ADCY1: variants seen among roughly 807,000 people sequenced by gnomAD.
ADCY1 encodes the protein adenylate cyclase 1.
Under a neutral mutation model 105.4 loss-of-function variants are expected in ADCY1, and 28 were observed. The ratio of observed to expected loss-of-function variants is 0.27; its 90% CI spans 0.20 to 0.36. The LOEUF is 0.36. Ranked by LOEUF, ADCY1 falls within the 10% of genes least tolerant of loss-of-function variation. The pLI is 1.00. For synonymous variants in ADCY1, 655 were observed against 623.8 expected (o/e 1.05, Z -0.75); for missense variants, 977 against 1,434.2 (o/e 0.68, Z 5.15).
At position 45,686,276 on chromosome 7, in the gene ADCY1, C is replaced by A; in HGVS notation, c.2327+61C>A. 1 of 1,562,544 alleles carries A rather than the reference C, an allele frequency of 6.4e-7. No homozygotes were observed. Among genetic ancestry groups the A allele is most frequent in the South Asian group, 1.2e-5 (1 of 81,742 alleles). ...AGCGGTGCTACTGAATCTGTGTATA[C>A]AGATATGCACTACAGGCTTCTGAGT... On this transcript the variant is annotated intron_variant, in intron 13 of 19. Coordinates refer to ENST00000297323, the MANE Select transcript of ADCY1 (RefSeq NM_021116.4). The surrounding 1 kb of genome is among the most constrained non-coding windows in gnomAD (Gnocchi z 4.3).
At chr7:45,620,044 A>C (rs1793848600) in intron 3 of ADCY1, among the ~76,000 whole-genome samples, 1 of 152,242 alleles carries the variant, frequency 6.6e-6, no homozygotes, top group African/African-American at 2.4e-5. Flanking sequence ...TATGCACATA[A>C]AATGAAATGC....
rs912987352 is a variant in ADCY1, at chr7:45,591,880, T to C, written c.640-879T>C. Among the ~76,000 whole-genome samples the C allele has an allele frequency of 2.6e-5, 4 of 152,290 alleles. No homozygotes were observed. Among genetic ancestry groups the C allele is most frequent in the African/African-American group, 9.6e-5 (4 of 41,576 alleles). On this transcript the variant is annotated intron_variant, in intron 1 of 19. Transcript: ENST00000297323. The surrounding 1 kb of genome is among the most constrained non-coding windows in gnomAD (Gnocchi z 4.1). ...TGAGCCTGGAGTGTGGGTGCACTGCTAGTGCTGGCTCCTTCTCAGGCTGGC... is the reference window on the plus strand; with the variant it reads ...TGAGCCTGGAGTGTGGGTGCACTGCCAGTGCTGGCTCCTTCTCAGGCTGGC...
rs1794253720 is a variant in ADCY1, at chr7:45,684,018, T to C, written c.1984-961T>C. On this transcript the variant is annotated intron_variant, in intron 11 of 19. Transcript: ENST00000297323. ...TGGGGATCAAGGACTTGCACCTGCG[T>C]CTTGCCCAGAGGCCAGGTTGGGACT... Among the ~76,000 whole-genome samples, 3 of 152,224 alleles carry C rather than the reference T, an allele frequency of 2.0e-5. No individual in the cohort carries two copies. The East Asian group carries it at 5.8e-4, about 29-fold the overall frequency.
chr7:45,600,275 T>C (rs1793193865), intron 2 of ADCY1, among the ~76,000 whole-genome samples: 1 of 152,174 alleles, frequency 6.6e-6, no homozygotes, highest in Non-Finnish European at 1.5e-5. Context: ...TATAGTGACA[T>C]GAAGTGACCC....
At chr7:45,712,232 A>AAC (rs202134068) in intron 19 of ADCY1, among the ~76,000 whole-genome samples, 49,917 of 141,690 alleles carry the variant, frequency 0.35, 10,081 homozygotes, top group South Asian at 0.63. Context: ...TAAATATATA[A>AAC]ATATATATAT....
chr7:45,664,263 C>G (rs764594027), intron 8 of ADCY1: 26 of 1,533,974 alleles, frequency 1.7e-5, no homozygotes, highest in Non-Finnish European at 2.1e-5. Context: ...GTGTCGGACC[C>G]CACACATCTG....
At chr7:45,588,956 A>G (rs546084899) in intron 1 of ADCY1, among the ~76,000 whole-genome samples, 1 of 151,260 alleles carries the variant, frequency 6.6e-6, no homozygotes, top group African/African-American at 2.4e-5. Flanking sequence ...GCTCACCCTG[A>G]TGCCTCAGAG....
intron 3 of ADCY1, among the ~76,000 whole-genome samples, chr7:45,617,351 C>T (rs533652016): frequency 3.6e-4 from 55 of 152,148 alleles, no homozygotes; most frequent in African/African-American, 1.3e-3. Context: ...GAGTTGGGTG[C>T]GGGCTTGTAT....
intron 14 of ADCY1, among the ~76,000 whole-genome samples, chr7:45,697,924 G>A (rs1312212180): frequency 6.6e-6 from 1 of 152,194 alleles, no homozygotes; most frequent in East Asian, 1.9e-4. Context: ...GGGGTTGGAT[G>A]TTGGATAGTC....
At chr7:45,601,136 T>C (rs995544913) in intron 2 of ADCY1, among the ~76,000 whole-genome samples, 2 of 152,166 alleles carry the variant, frequency 1.3e-5, no homozygotes, top group Non-Finnish European at 2.9e-5. Flanking sequence ...GGCTCTGGGC[T>C]CCCTGGATGG....
At chr7:45,581,589 G>A (rs369660851) in intron 1 of ADCY1, among the ~76,000 whole-genome samples, 1 of 152,104 alleles carries the variant, frequency 6.6e-6, no homozygotes, top group South Asian at 2.1e-4. Context: ...CAAGCAGCAT[G>A]GGGGCTGAAG....
chr7:45,703,497 G>A lies in ADCY1; in HGVS notation c.2571+5G>A. The A allele has an allele frequency of 6.2e-7, 1 of 1,614,082 alleles. No individual in the cohort carries two copies. The highest frequency in any genetic ancestry group is 8.5e-7 in the Non-Finnish European group (1 of 1,179,984). On this transcript the variant is annotated splice_donor_5th_base_variant and intron_variant, in intron 15 of 19. Transcript: ENST00000297323. The surrounding 1 kb of genome is among the most constrained non-coding windows in gnomAD (Gnocchi z 5.9). ...ATGTCCAACCCTCGGAACATGGTGA[G>A]CACCCAGCCTGCTCCTGGCCAGCAC... is the stretch of plus-strand genomic sequence containing the variant.
chr7:45,700,030 A>G (rs1784967255), intron 14 of ADCY1, among the ~76,000 whole-genome samples: 1 of 152,148 alleles, frequency 6.6e-6, no homozygotes, highest in African/African-American at 2.4e-5. Context: ...TGTCCCTGAA[A>G]GTCAGTGGTG....
At chr7:45,600,000 C>G (rs1461497116) in intron 2 of ADCY1, among the ~76,000 whole-genome samples, 1 of 152,172 alleles carries the variant, frequency 6.6e-6, no homozygotes, top group Non-Finnish European at 1.5e-5. Context: ...CATGTGGCTC[C>G]TGGACACACT....
At chr7:45,705,611 C>T (rs1384684295) in intron 17 of ADCY1, among the ~76,000 whole-genome samples, 2 of 152,146 alleles carry the variant, frequency 1.3e-5, no homozygotes, top group Non-Finnish European at 1.5e-5. Flanking sequence ...ATACCCATAG[C>T]TTGATATACC....
intron 11 of ADCY1, among the ~76,000 whole-genome samples, chr7:45,681,379 C>T (rs993779750): frequency 5.9e-5 from 9 of 152,186 alleles, no homozygotes; most frequent in African/African-American, 2.2e-4. Context: ...CCCTGGATGC[C>T]ACTAGCTCCT....
chr7:45,711,682 TAC>T (rs1280864048), intron 19 of ADCY1, among the ~76,000 whole-genome samples: 51 of 142,188 alleles, frequency 3.6e-4, no homozygotes, highest in African/African-American at 1.2e-3. Context: ...TACACATATA[TAC>T]ACACACATAT....
intron 4 of ADCY1, among the ~76,000 whole-genome samples, chr7:45,633,178 A>C (rs1794307059): frequency 6.6e-6 from 1 of 152,240 alleles, no homozygotes; most frequent in Non-Finnish European, 1.5e-5. Flanking sequence ...TCGGTCTTCC[A>C]AAGTCCTGGT....
rs1383327291 is a variant in ADCY1, at chr7:45,722,880, G to A, written c.*8885G>A. On this transcript the variant is annotated 3_prime_UTR_variant, in exon 20 of 20. Transcript: ENST00000297323. ...CATGATAGATTTGTATGATCAATAC[G>A]GGTCTATTTTTATGTCAACTGAACA... 2 of 152,464 alleles carry A rather than the reference G, an allele frequency of 1.3e-5. No homozygotes were observed. 9.4% of individuals were successfully genotyped at this position (152,464 alleles called of 1,614,324 possible).
Sources: allele counts gnomAD v4.1 joint callset (sites outside exome capture counted in the v4.1 genomes callset), GRCh38; gene constraint gnomAD v4.1.1; non-coding constraint Gnocchi (gnomAD v3.1); transcripts MANE v1.5; gene names NCBI Gene and HGNC (gene_info 2026-07-23, HGNC 2026-07-21).